Variants in UNC5C observed in about 807,000 individuals in gnomAD.
UNC5C encodes the protein unc-5 netrin receptor C.
UNC5C carries 47 observed loss-of-function variants against 99.8 expected under a neutral mutation model. That is an observed-to-expected ratio of 0.47 (90% CI 0.37 to 0.60). The LOEUF is 0.60. Among genes scored for constraint, UNC5C ranks in the 20% least tolerant of loss-of-function variants. The pLI, the probability that UNC5C is intolerant of heterozygous loss-of-function variation, is 0.00. For missense variants in UNC5C, 1,062 were observed against 1,165.9 expected (o/e 0.91, Z 1.30); for synonymous variants, 487 against 452.2 (o/e 1.08, Z -0.98).
chr4:95,381,587 T>A (rs1350263681), intron 1 of UNC5C, among the ~76,000 whole-genome samples: 1 of 152,152 alleles, frequency 6.6e-6, no homozygotes, highest in East Asian at 1.9e-4. Flanking sequence ...AACAAAAAAA[T>A]TAAATTTGGA....
At chr4:95,393,385 C>G (rs975291252) in intron 1 of UNC5C, among the ~76,000 whole-genome samples, 1 of 152,048 alleles carries the variant, frequency 6.6e-6, no homozygotes, top group Non-Finnish European at 1.5e-5. Context: ...TTGGAGGAAT[C>G]AAGGGGGGAA....
At chr4:95,475,987 A>G (rs1041642593) in intron 1 of UNC5C, among the ~76,000 whole-genome samples, 37 of 152,112 alleles carry the variant, frequency 2.4e-4, no homozygotes, top group African/African-American at 8.7e-4. Flanking sequence ...ACTGGTCAAC[A>G]TTCCCAGTTA....
intron 1 of UNC5C, among the ~76,000 whole-genome samples, chr4:95,507,782 C>A (rs1721963518): frequency 6.6e-6 from 1 of 152,022 alleles, no homozygotes; most frequent in Non-Finnish European, 1.5e-5. Context: ...TCGTCTTCCC[C>A]TATGACTGTT....
At chr4:95,281,043 C>A (rs1391386831) in intron 3 of UNC5C, among the ~76,000 whole-genome samples, 1 of 152,124 alleles carries the variant, frequency 6.6e-6, no homozygotes, top group African/African-American at 2.4e-5. Flanking sequence ...CAGTGAATAT[C>A]ATTTATGAGC....
chr4:95,297,484 G>A (rs1174582595), intron 3 of UNC5C, among the ~76,000 whole-genome samples: 1 of 152,168 alleles, frequency 6.6e-6, no homozygotes. Context: ...GTGCTAAGCA[G>A]GAGAGATATA....
chr4:95,462,124 T>G (rs565167254), intron 1 of UNC5C, among the ~76,000 whole-genome samples: 10 of 152,286 alleles, frequency 6.6e-5, no homozygotes, highest in Middle Eastern at 6.8e-3. Flanking sequence ...AATCCATTGC[T>G]GTTTTTTAAC....
intron 12 of UNC5C, among the ~76,000 whole-genome samples, chr4:95,192,828 G>A (rs1488397551): frequency 6.6e-6 from 1 of 152,164 alleles, no homozygotes; most frequent in Non-Finnish European, 1.5e-5. Context: ...CTCAAGGCAT[G>A]TGTTATGCCT....
Position 95,267,949 on chromosome 4 carries a change from A to AATT in UNC5C, c.594+10309_594+10310insAAT, listed in dbSNP as rs959480166. Among the ~76,000 whole-genome samples the AATT allele has an allele frequency of 1.2e-3, 140 of 117,574 alleles. 1 individual carries two copies. The highest frequency in any genetic ancestry group is 4.7e-3 in the African/African-American group (138 of 29,170). The allele number at this position is 117,574 out of a possible 152,430, so 77.1% of individuals were successfully genotyped here. On this transcript the variant is annotated intron_variant, in intron 4 of 15. Coordinates refer to ENST00000453304, the MANE Select transcript of UNC5C (RefSeq NM_003728.4). The stretch of plus-strand genomic sequence containing the variant: ...ATGATCCTGTAGGCTGAATTTTGTG[A>AATT]TTTTTTTTTTTTTTTTTTGAGACGG...
At chr4:95,521,343 C>T (rs374201614) in intron 1 of UNC5C, among the ~76,000 whole-genome samples, 8 of 151,394 alleles carry the variant, frequency 5.3e-5, no homozygotes, top group South Asian at 2.1e-4. Context: ...CTTAGCCTTC[C>T]GAGTAGCTGG....
chr4:95,329,145 G>A (rs1180633397), intron 2 of UNC5C, among the ~76,000 whole-genome samples: 2 of 152,028 alleles, frequency 1.3e-5, no homozygotes, highest in East Asian at 1.9e-4. Flanking sequence ...TGAAAAATTA[G>A]TCAGGCATGG....
At chr4:95,197,536 G>T (rs1737479820) in intron 12 of UNC5C, among the ~76,000 whole-genome samples, 1 of 152,116 alleles carries the variant, frequency 6.6e-6, no homozygotes, top group Admixed American at 6.6e-5. Context: ...TGAAGTAAAA[G>T]GTTTGGAGGG....
chr4:95,374,007 T>C (rs1744819319), intron 1 of UNC5C, among the ~76,000 whole-genome samples: 1 of 152,104 alleles, frequency 6.6e-6, no homozygotes, highest in Non-Finnish European at 1.5e-5. Context: ...GAATTAGCCC[T>C]TAAATTACAT....
intron 2 of UNC5C, 35 bp downstream of exon 2, chr4:95,335,375 C>G (rs979213420): frequency 1.4e-5 from 22 of 1,564,592 alleles, no homozygotes; most frequent in African/African-American, 1.4e-5. Flanking sequence ...GTAAGTGAAT[C>G]TTGAAGTGCA....
chr4:95,439,796 A>ACCCAT (rs1436824802), intron 1 of UNC5C, among the ~76,000 whole-genome samples: 1 of 152,136 alleles, frequency 6.6e-6, no homozygotes. Context: ...GGAAACGTAA[A>ACCCAT]CCCATATGTC....
At chr4:95,175,980 C>G (rs936946199) in intron 14 of UNC5C, among the ~76,000 whole-genome samples, 2 of 151,906 alleles carry the variant, frequency 1.3e-5, no homozygotes, top group African/African-American at 4.8e-5. Context: ...CTTCTCGCTT[C>G]ATTTCATTCA....
chr4:95,371,263 G>A (rs541011901), intron 1 of UNC5C, among the ~76,000 whole-genome samples: 4 of 152,032 alleles, frequency 2.6e-5, no homozygotes, highest in East Asian at 1.9e-4. Flanking sequence ...ACAGAAAAAC[G>A]GACATGAAAT....
chr4:95,203,009 C>T (rs772201259), intron 11 of UNC5C, 45 bp from the exon 12 acceptor site: 2 of 1,592,250 alleles, frequency 1.3e-6, no homozygotes, highest in Non-Finnish European at 1.7e-6. Context: ...ACCCAGGACG[C>T]ATGCCGGCCA....
chr4:95,251,406 G>A (rs1739723924), intron 4 of UNC5C, among the ~76,000 whole-genome samples: 1 of 151,960 alleles, frequency 6.6e-6, no homozygotes, highest in Non-Finnish European at 1.5e-5. Context: ...GTGCTTTTGG[G>A]GAACCTGACC....
At chr4:95,388,652 A>C (rs894584775) in intron 1 of UNC5C, among the ~76,000 whole-genome samples, 2 of 152,178 alleles carry the variant, frequency 1.3e-5, no homozygotes, top group Non-Finnish European at 2.9e-5. Flanking sequence ...GTAACAGTTC[A>C]TATTCTGAGC....
Sources: gnomAD v4.1 joint callset for allele counts (sites outside exome capture counted in the v4.1 genomes callset) on GRCh38, gnomAD v4.1.1 for gene constraint, MANE v1.5 for transcripts, NCBI Gene and HGNC (gene_info 2026-07-23, HGNC 2026-07-21) for gene names.